Variants in FHIT observed in about 807,000 individuals in gnomAD.
FHIT encodes bis(5'-adenosyl)-triphosphatase.
Under a neutral mutation model 17.9 loss-of-function variants are expected in FHIT, and 19 were observed. The ratio of observed to expected loss-of-function variants is 1.06; its 90% CI spans 0.74 to 1.56. FHIT has a LOEUF of 1.56. FHIT is among the 40% of genes most tolerant of loss of function. The pLI is 0.00. For synonymous variants in FHIT, 81 were observed against 69.7 expected, an observed-to-expected ratio of 1.16 and a Z score of -0.81; for missense variants, 248 against 189.2, an observed-to-expected ratio of 1.31 and a Z score of -1.82.
intron 2 of FHIT, among the ~76,000 whole-genome samples, chr3:61,179,748 A>G (rs1297810668): frequency 1.3e-5 from 2 of 150,256 alleles, no homozygotes; most frequent in African/African-American, 4.9e-5. Context: ...CCAAAAACAC[A>G]CACAAATTCA....
At chr3:59,815,368 C>T (rs930637284) in intron 8 of FHIT, among the ~76,000 whole-genome samples, 1 of 152,126 alleles carries the variant, frequency 6.6e-6, no homozygotes, top group East Asian at 1.9e-4. Flanking sequence ...ATCCAGCAAT[C>T]CCACTGCTGG....
At chr3:60,844,785 T>G (rs1411783328) in intron 3 of FHIT, among the ~76,000 whole-genome samples, 1 of 152,178 alleles carries the variant, frequency 6.6e-6, no homozygotes, top group African/African-American at 2.4e-5. Flanking sequence ...AGGTTTAATA[T>G]GAAGTAAAGA....
intron 1 of FHIT, among the ~76,000 whole-genome samples, chr3:61,201,258 A>G (rs1161394964): frequency 6.6e-6 from 1 of 152,196 alleles, no homozygotes; most frequent in African/African-American, 2.4e-5. Flanking sequence ...TGACATTTCA[A>G]ATCAAATCTT....
chr3:60,932,503 G>T (rs782298214), intron 3 of FHIT, among the ~76,000 whole-genome samples: 2 of 152,120 alleles, frequency 1.3e-5, no homozygotes, highest in African/African-American at 4.8e-5. Context: ...GAGTCTGGGG[G>T]TATCTATTCC....
chr3:60,081,363 T>G lies in FHIT; in HGVS notation c.104-67211A>C, dbSNP rs191308440. 6.0e-3 allele frequency among the ~76,000 whole-genome samples: 913 copies of G among 152,198 alleles called. 17 individuals carry two copies. The highest frequency in any genetic ancestry group is 6.4e-3 in the Non-Finnish European group (438 of 67,994). On this transcript the variant is annotated intron_variant, in intron 5 of 9. Coordinates refer to ENST00000492590, the MANE Select transcript of FHIT (RefSeq NM_002012.4). ...ACTTGACCAACAGTATAAATGGGTG[T>G]CTTCAAAGCCTTGTCACCACAACCC... is the stretch of plus-strand genomic sequence containing the variant.
At chr3:60,286,221 G>A (rs1422023961) in intron 5 of FHIT, among the ~76,000 whole-genome samples, 1 of 152,196 alleles carries the variant, frequency 6.6e-6, no homozygotes, top group Non-Finnish European at 1.5e-5. Context: ...AAATGCAGGT[G>A]TGGCCACTTT....
chr3:60,538,869 A>G (rs2036081455), intron 4 of FHIT, among the ~76,000 whole-genome samples: 2 of 152,148 alleles, frequency 1.3e-5, no homozygotes, highest in Admixed American at 1.3e-4. Flanking sequence ...ACCATTCAGG[A>G]CATAGGCATG....
chr3:60,008,944 T>C (rs1285075764), intron 7 of FHIT, among the ~76,000 whole-genome samples: 1 of 152,200 alleles, frequency 6.6e-6, no homozygotes, highest in Non-Finnish European at 1.5e-5. Flanking sequence ...GATGTGCTTG[T>C]TAATAATGAA....
rs1702233848 is a variant in FHIT at position 60,059,961 on chromosome 3, T to C, written c.104-45809A>G. Among the ~76,000 whole-genome samples, 4 of 152,348 alleles carry C rather than the reference T, an allele frequency of 2.6e-5. No homozygotes were observed. In the South Asian group the frequency reaches 8.3e-4, roughly 32 times the overall value. On this transcript the variant is annotated intron_variant, in intron 5 of 9. Coordinates refer to ENST00000492590, the MANE Select transcript of FHIT (RefSeq NM_002012.4). ...AGAGGGTAATTTGAACTTATAAGCA[T>C]TAACCGTGCTCCATGAGTTGTTGTT...
At chr3:61,032,924 T>C (rs913636100) in intron 3 of FHIT, among the ~76,000 whole-genome samples, 2 of 152,146 alleles carry the variant, frequency 1.3e-5, no homozygotes, top group African/African-American at 4.8e-5. Context: ...GGAGAGTCAA[T>C]AGTGTAAGTC....
chr3:60,110,617 T>C (rs1010391282), intron 5 of FHIT, among the ~76,000 whole-genome samples: 1 of 152,170 alleles, frequency 6.6e-6, no homozygotes, highest in African/African-American at 2.4e-5. Flanking sequence ...CGAGCCTCAG[T>C]TTCTTAATCT....
At chr3:60,594,224 G>A (rs2105829) in intron 4 of FHIT, among the ~76,000 whole-genome samples, 10,229 of 152,170 alleles carry the variant, frequency 0.067, 527 homozygotes, top group African/African-American at 0.14. Context: ...GAGCTCTGTT[G>A]TAACTCAAAT....
chr3:60,490,079 A>G (rs1559487358), intron 5 of FHIT, among the ~76,000 whole-genome samples: 1 of 152,214 alleles, frequency 6.6e-6, no homozygotes, highest in Non-Finnish European at 1.5e-5. Flanking sequence ...GTAACTCGGA[A>G]TTAAACAAAT....
intron 5 of FHIT, among the ~76,000 whole-genome samples, chr3:60,106,698 C>T (rs1327364021): frequency 6.6e-6 from 1 of 152,142 alleles, no homozygotes; most frequent in Non-Finnish European, 1.5e-5. Flanking sequence ...TTTCTATCTT[C>T]CCAAAGGGTG....
chr3:60,404,113 T>A (rs775255107), intron 5 of FHIT, among the ~76,000 whole-genome samples: 5 of 152,164 alleles, frequency 3.3e-5, no homozygotes, highest in Non-Finnish European at 7.3e-5. Context: ...CACTTTAGCT[T>A]CTGATTGGTT....
At chr3:59,848,530 A>G (rs1353431455) in intron 8 of FHIT, among the ~76,000 whole-genome samples, 1 of 152,228 alleles carries the variant, frequency 6.6e-6, no homozygotes, top group Non-Finnish European at 1.5e-5. Flanking sequence ...ATCTTCTAAA[A>G]TAATAGAGAT....
intron 2 of FHIT, among the ~76,000 whole-genome samples, chr3:61,108,380 C>G (rs1576028344): frequency 6.6e-6 from 1 of 152,198 alleles, no homozygotes; most frequent in Non-Finnish European, 1.5e-5. Context: ...CTTCCTAGAG[C>G]CACTGTTTGG....
intron 1 of FHIT, among the ~76,000 whole-genome samples, chr3:61,243,769 A>C (rs538789065): frequency 2.6e-5 from 4 of 152,256 alleles, no homozygotes; most frequent in Admixed American, 2.0e-4. Flanking sequence ...CGAGAAACAC[A>C]ACCTGAAATT....
intron 2 of FHIT, among the ~76,000 whole-genome samples, chr3:61,068,046 G>C (rs1009635439): frequency 2.0e-5 from 3 of 152,178 alleles, no homozygotes; most frequent in Non-Finnish European, 4.4e-5. Flanking sequence ...CAGAGTTTCT[G>C]ATTAAGTAAG....
Sources: allele counts gnomAD v4.1 joint callset (sites outside exome capture counted in the v4.1 genomes callset), GRCh38; gene constraint gnomAD v4.1.1; transcripts MANE v1.5; gene names NCBI Gene and HGNC (gene_info 2026-07-23, HGNC 2026-07-21).